KALRN: variants seen among roughly 807,000 people sequenced by gnomAD.
The protein encoded by KALRN is kalirin RhoGEF kinase, also known as kalirin.
A neutral mutation model predicts 353.7 loss-of-function variants in KALRN; 70 were observed. The ratio of observed to expected loss-of-function variants is 0.20; its 90% confidence interval spans 0.16 to 0.24. The LOEUF (loss-of-function observed/expected upper bound fraction) is 0.24. KALRN is among the 10% of genes least tolerant of loss of function. KALRN has a pLI of 1.00. For missense variants in KALRN, 2,791 were observed against 3,756.7 expected (o/e 0.74, Z 6.72); for synonymous variants, 1,391 against 1,434.8 (o/e 0.97, Z 0.69).
intron 25 of KALRN, 56 bp downstream of exon 25, chr3:124,462,689 AG>A (rs752230589): frequency 3.6e-4 from 365 of 1,003,116 alleles, no homozygotes; most frequent in Non-Finnish European, 4.9e-4. Context: ...ACCAGACAAC[AG>A]GGTTCCCAAG....
intron 1 of KALRN, among the ~76,000 whole-genome samples, chr3:124,208,628 A>G (rs560080209): frequency 1.3e-5 from 2 of 152,174 alleles, no homozygotes; most frequent in African/African-American, 4.8e-5. Context: ...AGCCAAGAAA[A>G]TGCACTTCAG....
chr3:124,595,964 A>G (rs2076228859), intron 34 of KALRN, among the ~76,000 whole-genome samples: 1 of 152,216 alleles, frequency 6.6e-6, no homozygotes, highest in South Asian at 2.1e-4. Context: ...CGAACTTGGA[A>G]TCAGGTGCCA....
At chr3:124,237,569 G>A in intron 3 of KALRN, among the ~76,000 whole-genome samples, 1 of 152,016 alleles carries the variant, frequency 6.6e-6, no homozygotes, top group Admixed American at 6.5e-5. Context: ...CACTGTGTTG[G>A]CCAGGCTGGT....
At chr3:124,288,449 T>G (rs2076142198) in intron 5 of KALRN, among the ~76,000 whole-genome samples, 1 of 152,114 alleles carries the variant, frequency 6.6e-6, no homozygotes, top group Non-Finnish European at 1.5e-5. Flanking sequence ...TGCATGGCAG[T>G]GAATAAAACA....
At position 124,723,036 on chromosome 3, in the gene KALRN, A is replaced by G. The variant is rs2063378374; in HGVS notation, c.*3566A>G. The G allele has an allele frequency of 6.6e-6, 1 of 152,210 alleles. No homozygotes were observed. Among genetic ancestry groups the G allele is most frequent in the Non-Finnish European group, 1.5e-5 (1 of 68,046 alleles). The allele number at this position is 152,210 out of a possible 1,614,324, so 9.4% of individuals were successfully genotyped here. On this transcript the variant is annotated 3_prime_UTR_variant, in exon 60 of 60. Coordinates refer to ENST00000682506, the MANE Select transcript of KALRN (RefSeq NM_001388419.1). ...TATCCACTTACAGCTGAATGTGGTA[A>G]AATTTTTAAGAAAAAAATGGTAATG...
chr3:124,049,430 A>G (rs1009828981), intron 1 of KALRN, among the ~76,000 whole-genome samples: 3 of 152,200 alleles, frequency 2.0e-5, no homozygotes, highest in African/African-American at 7.2e-5. Context: ...AGAGGTAAAC[A>G]TACTTGCCCT....
intron 5 of KALRN, among the ~76,000 whole-genome samples, chr3:124,292,084 G>A (rs1032543806): frequency 1.3e-5 from 2 of 152,144 alleles, no homozygotes; most frequent in Admixed American, 1.3e-4. Context: ...CACATTTTGG[G>A]GTCCTTTATG....
chr3:124,678,371 A>T lies in KALRN; in HGVS notation c.7317+58A>T, dbSNP rs371962577. Reference sequence around the variant, plus strand: ...CTGTCATCCACTCCCACCCTGCAGCATTCTCACAAGCCAATTTGGGTGGAT... The same window carrying T: ...CTGTCATCCACTCCCACCCTGCAGCTTTCTCACAAGCCAATTTGGGTGGAT... On this transcript the variant is annotated intron_variant, in intron 50 of 59. Transcript: ENST00000682506. 9.5e-6 allele frequency: 15 copies of T among 1,579,436 alleles called. No homozygotes were observed. In the East Asian group the frequency reaches 1.6e-4, roughly 17 times the overall value.
chr3:124,519,088 T>C, intron 33 of KALRN: 2 of 985,820 alleles, frequency 2.0e-6, no homozygotes, highest in Non-Finnish European at 1.2e-6. Flanking sequence ...ACTCAGATTT[T>C]TTCAGGTTTT....
chr3:124,413,451 G>A lies in KALRN; in HGVS notation c.2347-19G>A, dbSNP rs1395867637. The A allele has an allele frequency of 6.2e-7, 1 of 1,609,704 alleles. No homozygotes were observed. The highest frequency in any genetic ancestry group is 1.3e-5 in the African/African-American group (1 of 74,870). On this transcript the variant is annotated intron_variant, in intron 13 of 59. Transcript: ENST00000682506. ...GTGGACCTGGTGAGCCTGTGCTGAT[G>A]ACAGTGGTTCCCTCACAGGTGACAG...
At chr3:124,101,839 T>A (rs1019513302) in intron 1 of KALRN, among the ~76,000 whole-genome samples, 3 of 152,100 alleles carry the variant, frequency 2.0e-5, no homozygotes, top group African/African-American at 7.2e-5. Context: ...CATCTGCTTG[T>A]AACTGGTCCC....
intron 34 of KALRN, among the ~76,000 whole-genome samples, chr3:124,597,345 A>C (rs2076367787): frequency 6.8e-6 from 1 of 147,450 alleles, no homozygotes; most frequent in Non-Finnish European, 1.5e-5. Context: ...AAGGGGAAAA[A>C]AAGAAAAGAA....
intron 34 of KALRN, among the ~76,000 whole-genome samples, chr3:124,577,977 G>T (rs1031736161): frequency 6.6e-5 from 10 of 152,264 alleles, no homozygotes; most frequent in African/African-American, 2.4e-4. Flanking sequence ...AGTGTTTCTG[G>T]TTACTGATGA....
At chr3:124,518,465 C>T (rs372922266) in intron 33 of KALRN, 70 of 1,613,936 alleles carry the variant, frequency 4.3e-5, no homozygotes, top group African/African-American at 8.0e-5. Flanking sequence ...ACGTTTAGCG[C>T]GCATCCTGGG....
chr3:124,060,049 C>G (rs898912314), intron 1 of KALRN, among the ~76,000 whole-genome samples: 1 of 152,200 alleles, frequency 6.6e-6, no homozygotes, highest in Non-Finnish European at 1.5e-5. Context: ...GGTTGCCAGA[C>G]TTCTCCTGAG....
intron 1 of KALRN, among the ~76,000 whole-genome samples, chr3:124,128,290 T>C (rs1230145552): frequency 2.0e-5 from 3 of 152,312 alleles, no homozygotes; most frequent in Non-Finnish European, 2.9e-5. Context: ...TATTGAGACA[T>C]TGATGCTTTC....
intron 1 of KALRN, among the ~76,000 whole-genome samples, chr3:124,214,813 C>A (rs1464076205): frequency 6.6e-6 from 1 of 152,168 alleles, no homozygotes; most frequent in Non-Finnish European, 1.5e-5. Context: ...TCTCTGTGAA[C>A]TCCCCCTACT....
intron 1 of KALRN, chr3:124,151,977 G>A: frequency 7.0e-6 from 10 of 1,432,478 alleles, no homozygotes; most frequent in Non-Finnish European, 9.7e-6. Context: ...ATTCTAATAA[G>A]CCTGTTGATC....
At chr3:124,161,907 C>G (rs566516476) in intron 1 of KALRN, among the ~76,000 whole-genome samples, 5 of 152,234 alleles carry the variant, frequency 3.3e-5, no homozygotes, top group African/African-American at 4.8e-5. Flanking sequence ...AGATAGATAC[C>G]TTTTGGATTG....
Sources: allele counts gnomAD v4.1 joint callset (sites outside exome capture counted in the v4.1 genomes callset), GRCh38; gene constraint gnomAD v4.1.1; transcripts MANE v1.5; gene names NCBI Gene and HGNC (gene_info 2026-07-23, HGNC 2026-07-21).